Variants in CLSTN2 observed in about 807,000 individuals in gnomAD.
CLSTN2 encodes calsyntenin 2.
A neutral mutation model predicts 101.2 loss-of-function variants in CLSTN2; 48 were observed. The ratio of observed to expected loss-of-function variants is 0.47; its 90% CI spans 0.38 to 0.60. CLSTN2 has a LOEUF of 0.60. CLSTN2 is among the 20% of genes least tolerant of loss of function. The pLI, the probability that CLSTN2 is intolerant of heterozygous loss-of-function variation, is 0.00. For synonymous variants in CLSTN2, 481 were observed against 463.6 expected (o/e 1.04, Z -0.48); for missense variants, 1,160 against 1,238.2 (o/e 0.94, Z 0.95).
Position 140,076,625 on chromosome 3 carries a change from G to GTTTTTTTTTTTTTTTTTTTTTT in CLSTN2, c.110-99319_110-99298dup, listed in dbSNP as rs35645750. 1.3e-4 allele frequency among the ~76,000 whole-genome samples: 5 copies of GTTTTTTTTTTTTTTTTTTTTTT among 38,070 alleles called. 2 individuals are homozygous for GTTTTTTTTTTTTTTTTTTTTTT. Among genetic ancestry groups the GTTTTTTTTTTTTTTTTTTTTTT allele is most frequent in the African/African-American group, 5.6e-4 (5 of 8,918 alleles). The allele number at this position is 38,070 out of a possible 152,430, so 25.0% of individuals were successfully genotyped here. A position where few individuals can be genotyped will look rare whatever the true frequency, so the allele number is the denominator to read the frequency against. On this transcript the variant is annotated intron_variant, in intron 1 of 16. Coordinates refer to ENST00000458420, the MANE Select transcript of CLSTN2 (RefSeq NM_022131.3). Reference sequence around the variant, plus strand: ...CAATGACTCCCCTCTCACCAGCAGTGTTTTTTTTTTTTTTTTTTTTTTTTT... The same window carrying GTTTTTTTTTTTTTTTTTTTTTT: ...CAATGACTCCCCTCTCACCAGCAGTGTTTTTTTTTTTTTTTTTTTTTTTTTTTTTTTTTTTTTTTTTTTTTTT...
chr3:140,225,371 C>T (rs72988179), intron 2 of CLSTN2, among the ~76,000 whole-genome samples: 4,890 of 152,308 alleles, frequency 0.032, 244 homozygotes, highest in African/African-American at 0.11. Context: ...TTGAGCTACA[C>T]GAATTGTTTC....
At chr3:140,121,771 G>GA (rs2009344863) in intron 1 of CLSTN2, among the ~76,000 whole-genome samples, 1 of 152,184 alleles carries the variant, frequency 6.6e-6, no homozygotes, top group African/African-American at 2.4e-5. Flanking sequence ...GGCTTGGTGA[G>GA]AGGGAGCACA....
chr3:140,189,919 A>C (rs1390051838), intron 2 of CLSTN2, among the ~76,000 whole-genome samples: 2 of 152,308 alleles, frequency 1.3e-5, no homozygotes, highest in African/African-American at 4.8e-5. Context: ...TATAAGCAAC[A>C]AATTTATTTC....
intron 2 of CLSTN2, among the ~76,000 whole-genome samples, chr3:140,342,150 T>A (rs1342056002): frequency 6.6e-6 from 1 of 152,210 alleles, no homozygotes; most frequent in African/African-American, 2.4e-5. Context: ...GTAGTTACTA[T>A]CTTCTAAAGC....
chr3:139,939,563 G>T (rs565172640), intron 1 of CLSTN2, among the ~76,000 whole-genome samples: 2 of 152,292 alleles, frequency 1.3e-5, no homozygotes, highest in Middle Eastern at 3.4e-3. Flanking sequence ...AGTGTCTAAG[G>T]CTGTTTAAAA....
At chr3:140,556,150 CG>C (rs1935786111) in intron 10 of CLSTN2, among the ~76,000 whole-genome samples, 1 of 152,140 alleles carries the variant, frequency 6.6e-6, no homozygotes, top group Non-Finnish European at 1.5e-5. Flanking sequence ...GGAGTGAAAA[CG>C]CAAGTTCTGA....
At chr3:140,082,534 C>G (rs1338575935) in intron 1 of CLSTN2, among the ~76,000 whole-genome samples, 2 of 152,110 alleles carry the variant, frequency 1.3e-5, no homozygotes, top group African/African-American at 4.8e-5. Flanking sequence ...TTGAGAGCCT[C>G]CCACTGTGGC....
chr3:140,538,781 G>A (rs909833109), intron 9 of CLSTN2, among the ~76,000 whole-genome samples: 4 of 152,166 alleles, frequency 2.6e-5, no homozygotes. Context: ...TTCAGGTCAT[G>A]TTTTCCAAGG....
chr3:140,521,568 C>T (rs1457659518), intron 8 of CLSTN2, among the ~76,000 whole-genome samples: 1 of 152,186 alleles, frequency 6.6e-6, no homozygotes, highest in African/African-American at 2.4e-5. Context: ...GCTGAGAACC[C>T]TTGTTGGGAG....
At chr3:140,222,508 G>A (rs1345828848) in intron 2 of CLSTN2, among the ~76,000 whole-genome samples, 1 of 152,152 alleles carries the variant, frequency 6.6e-6, no homozygotes, top group Non-Finnish European at 1.5e-5. Flanking sequence ...ATAAATGCTT[G>A]AGGAATTGAC....
At chr3:139,971,316 C>A (rs1935699253) in intron 1 of CLSTN2, among the ~76,000 whole-genome samples, 1 of 152,184 alleles carries the variant, frequency 6.6e-6, no homozygotes, top group South Asian at 2.1e-4. Context: ...AATTTCTCAC[C>A]AGATAATGAA....
intron 1 of CLSTN2, among the ~76,000 whole-genome samples, chr3:140,033,275 G>A (rs1046041071): frequency 6.6e-6 from 1 of 152,184 alleles, no homozygotes; most frequent in Non-Finnish European, 1.5e-5. Flanking sequence ...AGGGAACCAG[G>A]CAGGAATTAG....
chr3:140,467,680 G>A (rs1412537941), intron 8 of CLSTN2, among the ~76,000 whole-genome samples: 2 of 152,068 alleles, frequency 1.3e-5, no homozygotes, highest in African/African-American at 4.8e-5. Context: ...CCCACTGTGT[G>A]TACTACACTA....
At chr3:140,346,663 C>T (rs536152894) in intron 2 of CLSTN2, among the ~76,000 whole-genome samples, 5 of 152,342 alleles carry the variant, frequency 3.3e-5, no homozygotes, top group African/African-American at 1.2e-4. Context: ...GGGCTGAAAA[C>T]TTACTTTTCA....
chr3:140,179,537 G>A (rs766483367), intron 2 of CLSTN2, among the ~76,000 whole-genome samples: 1 of 139,812 alleles, frequency 7.2e-6, no homozygotes, highest in Non-Finnish European at 1.5e-5. Flanking sequence ...GGAGGCTCAG[G>A]TAGGAGGATC....
chr3:140,201,978 G>C (rs929264767), intron 2 of CLSTN2, among the ~76,000 whole-genome samples: 2 of 152,136 alleles, frequency 1.3e-5, no homozygotes, highest in African/African-American at 4.8e-5. Context: ...GGAAATGAGG[G>C]GATGCACCCT....
At chr3:140,454,490 T>A (rs1305786698) in intron 6 of CLSTN2, 2 of 152,226 alleles carry the variant, frequency 1.3e-5, no homozygotes, top group African/African-American at 4.8e-5. Context: ...CAAAAAGTCC[T>A]CTGTGCCTAT....
At chr3:140,051,985 A>G (rs529453611) in intron 1 of CLSTN2, among the ~76,000 whole-genome samples, 1 of 152,284 alleles carries the variant, frequency 6.6e-6, no homozygotes, top group East Asian at 1.9e-4. Context: ...TGGGAACCCC[A>G]CTTTGAGAAG....
chr3:140,343,915 A>G (rs551530574), intron 2 of CLSTN2, among the ~76,000 whole-genome samples: 1 of 152,238 alleles, frequency 6.6e-6, no homozygotes, highest in South Asian at 2.1e-4. Context: ...TTTACCGAGG[A>G]GCTGCTGTGT....
Sources: allele counts gnomAD v4.1 joint callset (sites outside exome capture counted in the v4.1 genomes callset), GRCh38; gene constraint gnomAD v4.1.1; transcripts MANE v1.5; gene names NCBI Gene and HGNC (gene_info 2026-07-23, HGNC 2026-07-21).